CFAP92: variants seen among roughly 807,000 people sequenced by gnomAD.
CFAP92 encodes the protein cilia and flagella associated protein 92 (putative).
CFAP92 carries 86 observed loss-of-function variants against 106.3 expected under a neutral mutation model. That is an observed-to-expected ratio of 0.81 (90% CI 0.68 to 0.97). CFAP92 has a LOEUF of 0.97. Ranked by LOEUF, CFAP92 falls within the 50% of genes least tolerant of loss-of-function variation. CFAP92 has a pLI of 0.00. For missense variants in CFAP92, 1,204 were observed against 1,283.8 expected, an observed-to-expected ratio of 0.94 and a Z score of 0.95; for synonymous variants, 477 against 506.4, an observed-to-expected ratio of 0.94 and a Z score of 0.78.
In CFAP92 at chr3:128,945,974, C is replaced by T; in HGVS notation, c.1355G>A (p.Arg452Lys). 1 of 1,429,804 alleles carries T rather than the reference C, an allele frequency of 7.0e-7. No individual in the cohort carries two copies. The highest frequency in any genetic ancestry group is 9.1e-7 in the Non-Finnish European group (1 of 1,097,802). The allele number at this position is 1,429,804 out of a possible 1,614,324, so 88.6% of individuals were successfully genotyped here. A position where few individuals can be genotyped will look rare whatever the true frequency, so the allele number is the denominator to read the frequency against. Residue 452 changes from arginine to lysine, a missense_variant and splice_region_variant, in exon 10 of 16, where the codon AGG (arginine) becomes AAG (lysine). Coordinates refer to ENST00000645291, the MANE Select transcript of CFAP92 (RefSeq NM_001394090.1). ...SQPVPIQELE[R>K]LCMPVYCKYQ... ...CTTGCAGTACACAGGCATGCACAGC[C>T]TCTACGAGAGAGCAGGGCCACAGCA...
In CFAP92 at chr3:128,945,055, AAAAC is replaced by A; in HGVS notation, c.2258+12_2258+15del. On this transcript the variant is annotated intron_variant, in intron 10 of 15. Transcript: ENST00000645291. ...ATGCCATCATTTTTATGTAAAATGT[AAAAC>A]AAACCACCTACCAGCTTTGGTGGTT... 6.7e-7 allele frequency: 1 copy of A among 1,491,780 alleles called. No individual in the cohort carries two copies. Among genetic ancestry groups the A allele is most frequent in the Non-Finnish European group, 8.9e-7 (1 of 1,124,076 alleles). 92.4% of individuals were successfully genotyped at this position (1,491,780 alleles called of 1,614,324 possible).
At chr3:128,995,462 G>A (rs1944444705), upstream of CFAP92, among the ~76,000 whole-genome samples, 1 of 152,188 alleles carries the variant, frequency 6.6e-6, no homozygotes, top group African/African-American at 2.4e-5. Context: ...TGTATGCCAG[G>A]AAGTGCTCAG....
At chr3:128,956,977 CAAAAAAAA>C (rs766884799) in intron 9 of CFAP92, among the ~76,000 whole-genome samples, 1 of 28,598 alleles carries the variant, frequency 3.5e-5, no homozygotes, top group African/African-American at 6.6e-5. Flanking sequence ...CAGACTCTCT[CAAAAAAAA>C]AAAAAAAAAA....
At chr3:129,001,779 C>T in intron 1 of CFAP92, 1 of 1,543,320 alleles carries the variant, frequency 6.5e-7, no homozygotes, top group Non-Finnish European at 8.7e-7. Context: ...GATCGTGGTG[C>T]TGGCCACCGG....
chr3:129,002,060 G>A (rs1443249609), intron 1 of CFAP92: 1 of 1,539,158 alleles, frequency 6.5e-7, no homozygotes, highest in South Asian at 1.2e-5. Context: ...CCTTCCGCCA[G>A]TTCCACGCGC....
chr3:128,963,810 T>G (rs1208862032), intron 9 of CFAP92, among the ~76,000 whole-genome samples: 2 of 149,988 alleles, frequency 1.3e-5, no homozygotes, highest in African/African-American at 5.0e-5. Context: ...AACTTCTCAG[T>G]GTTCCATCTG....
chr3:128,953,620 C>CCTCCCT (rs1553750712), intron 9 of CFAP92, among the ~76,000 whole-genome samples: 2 of 119,514 alleles, frequency 1.7e-5, no homozygotes, highest in African/African-American at 4.6e-5. Flanking sequence ...TCTCCCTCTC[C>CCTCCCT]CTCCCTCTCC....
At chr3:129,008,616 G>T in the CFAP92 span, among the ~76,000 whole-genome samples, 4 of 151,476 alleles carry the variant, frequency 2.6e-5, no homozygotes, top group Admixed American at 1.3e-4. Flanking sequence ...CACAATCCTT[G>T]GGACACAGAA....
intron 1 of CFAP92, chr3:129,002,129 C>G: frequency 6.8e-7 from 1 of 1,472,478 alleles, no homozygotes; most frequent in Non-Finnish European, 8.9e-7. Flanking sequence ...GCGCTCTCAG[C>G]GAGCACATCG....
chr3:128,915,273 C>T lies in CFAP92; in HGVS notation c.3126G>A (p.Glu1042=), dbSNP rs774788958. The T allele has an allele frequency of 5.9e-6, 9 of 1,536,160 alleles. No homozygotes were observed. Among genetic ancestry groups the T allele is most frequent in the Non-Finnish European group, 7.8e-6 (9 of 1,146,910 alleles). ...KLPPIKELNE[E]WKENSLFANV... ...TAGCAAACAGGGAGTTTTCCTTCCA[C>T]TCCTAAATTGGGGGAGTAAGTAAAT... The change falls in exon 15 of 16, where the codon GAG becomes GAA. Residue 1042 remains glutamate, a splice_region_variant and synonymous_variant. Coordinates refer to ENST00000645291, the MANE Select transcript of CFAP92 (RefSeq NM_001394090.1).
chr3:128,913,838 C>T (rs1184380306), intron 15 of CFAP92, among the ~76,000 whole-genome samples: 1 of 152,104 alleles, frequency 6.6e-6, no homozygotes, highest in South Asian at 2.1e-4. Flanking sequence ...CAAAATGAAG[C>T]ATGCATACCT....
chr3:128,971,283 G>C lies in CFAP92; in HGVS notation c.1168+4C>G, dbSNP rs1332936250. On this transcript the variant is annotated splice_donor_region_variant and intron_variant, in intron 8 of 15. Coordinates refer to ENST00000645291, the MANE Select transcript of CFAP92 (RefSeq NM_001394090.1). ...CTGCTGGGAACAGGGCAAGCAGTGG[G>C]TACCGGCAAGGAGCGGCATGACGGC... is the stretch of plus-strand genomic sequence containing the variant. The C allele has an allele frequency of 2.0e-5, 33 of 1,613,682 alleles. No individual in the cohort carries two copies. The highest frequency in any genetic ancestry group is 2.6e-5 in the Non-Finnish European group (31 of 1,179,862).
intron 10 of CFAP92, among the ~76,000 whole-genome samples, chr3:128,938,207 G>A (rs929807666): frequency 7.9e-5 from 12 of 151,990 alleles, no homozygotes; most frequent in Non-Finnish European, 1.8e-4. Context: ...ACTCCAGCCT[G>A]GGTAACAGCA....
intron 10 of CFAP92, among the ~76,000 whole-genome samples, chr3:128,938,528 C>A (rs894968133): frequency 1.4e-5 from 2 of 145,878 alleles, no homozygotes; most frequent in Non-Finnish European, 3.0e-5. Flanking sequence ...GAGTCTCGCT[C>A]TGTCTCCCAG....
At chr3:128,998,763 C>A (rs1267626326), upstream of CFAP92, among the ~76,000 whole-genome samples, 1 of 152,178 alleles carries the variant, frequency 6.6e-6, no homozygotes, top group Admixed American at 6.5e-5. Context: ...CACAGCCAAG[C>A]TGTTTACAAA....
chr3:129,014,963 G>A, the CFAP92 span, among the ~76,000 whole-genome samples: 4 of 152,168 alleles, frequency 2.6e-5, no homozygotes, highest in South Asian at 2.1e-4. This position sits in a 1 kb window ranked among gnomAD's most constrained non-coding sequence, Gnocchi z 4.3. Flanking sequence ...CTCTCCAGTC[G>A]CACCCACCAC....
At chr3:129,022,835 G>A in the CFAP92 span, among the ~76,000 whole-genome samples, 3 of 152,366 alleles carry the variant, frequency 2.0e-5, no homozygotes, top group Admixed American at 6.5e-5. Context: ...AAGTGCGGCA[G>A]GCAGGGGTGA....
At chr3:129,025,388 C>T in the CFAP92 span, among the ~76,000 whole-genome samples, 35,099 of 152,040 alleles carry the variant, frequency 0.23, 4,684 homozygotes, top group Middle Eastern at 0.39. Context: ...AGTGTGTAAG[C>T]GAGGGAGGAA....
rs964733230 is a variant in CFAP92, at chr3:128,933,080, G to A, written c.2454-83C>T. 2.6e-5 allele frequency: 33 copies of A among 1,287,858 alleles called. 1 individual carries two copies. The South Asian group carries it at 2.7e-4, about 11-fold the overall frequency. 79.8% of individuals were successfully genotyped at this position (1,287,858 alleles called of 1,614,324 possible). On this transcript the variant is annotated intron_variant, in intron 11 of 15. Coordinates refer to ENST00000645291, the MANE Select transcript of CFAP92 (RefSeq NM_001394090.1). ...TCACTCCCATCCTACAGCAGGAAAT[G>A]AACACTCAGAGGCTGCTTAGCTGGT...
Sources: allele counts gnomAD v4.1 joint callset (sites outside exome capture counted in the v4.1 genomes callset), GRCh38; gene constraint gnomAD v4.1.1; non-coding constraint Gnocchi (gnomAD v3.1); transcripts MANE v1.5; gene names NCBI Gene and HGNC (gene_info 2026-07-23, HGNC 2026-07-21).